ASTN2: variants seen among roughly 807,000 people sequenced by gnomAD.
The protein encoded by ASTN2 is astrotactin-2.
ASTN2 carries 54 observed loss-of-function variants against 139.8 expected under a neutral mutation model. The ratio of observed to expected loss-of-function variants is 0.39; its 90% CI spans 0.31 to 0.48. The LOEUF (loss-of-function observed/expected upper bound fraction) is 0.48. ASTN2 is among the 20% of genes least tolerant of loss of function. The pLI is 0.95. For synonymous variants in ASTN2, 756 were observed against 719.5 expected, an observed-to-expected ratio of 1.05 and a Z score of -0.81; for missense variants, 1,565 against 1,725.1, an observed-to-expected ratio of 0.91 and a Z score of 1.64.
intron 2 of ASTN2, among the ~76,000 whole-genome samples, chr9:117,235,840 C>T (rs1201436648): frequency 2.0e-5 from 3 of 152,148 alleles, no homozygotes; most frequent in Non-Finnish European, 4.4e-5. Context: ...GTGAGGCACT[C>T]ATATTCTTTG....
intron 5 of ASTN2, among the ~76,000 whole-genome samples, chr9:117,041,396 C>T (rs1474626426): frequency 6.6e-6 from 1 of 152,106 alleles, no homozygotes; most frequent in African/African-American, 2.4e-5. Context: ...CTTAAAGCCT[C>T]CCCCTCCTGA....
intron 2 of ASTN2, among the ~76,000 whole-genome samples, chr9:117,259,993 A>G (rs1355547639): frequency 2.0e-5 from 3 of 152,202 alleles, no homozygotes; most frequent in South Asian, 2.1e-4. Context: ...TAAAAATCTC[A>G]TATCCTTTTT....
chr9:116,836,410 G>C (rs1220476532), intron 11 of ASTN2, among the ~76,000 whole-genome samples: 1 of 152,124 alleles, frequency 6.6e-6, no homozygotes, highest in Non-Finnish European at 1.5e-5. Context: ...TTAAAGTCCT[G>C]GCTCCCCACG....
At chr9:116,863,463 G>T in intron 11 of ASTN2, 120 bp downstream of exon 11, 1 of 1,294,690 alleles carries the variant, frequency 7.7e-7, no homozygotes, top group Non-Finnish European at 1.0e-6. Flanking sequence ...GGCCGCAGAG[G>T]CAGATAAGGG....
At chr9:117,053,022 G>C (rs1219419042) in intron 5 of ASTN2, among the ~76,000 whole-genome samples, 1 of 152,284 alleles carries the variant, frequency 6.6e-6, no homozygotes, top group South Asian at 2.1e-4. Context: ...TCTTGATAGG[G>C]TTGTCTTCAA....
intron 20 of ASTN2, among the ~76,000 whole-genome samples, chr9:116,477,956 A>C (rs2119042303): frequency 6.6e-6 from 1 of 151,326 alleles, no homozygotes; most frequent in East Asian, 1.9e-4. Flanking sequence ...ATGACCAAGA[A>C]AGAGAGAACA....
intron 6 of ASTN2, among the ~76,000 whole-genome samples, chr9:117,013,438 C>T (rs1159739714): frequency 6.7e-6 from 1 of 150,206 alleles, no homozygotes; most frequent in Non-Finnish European, 1.5e-5. Context: ...AAAATCTCAA[C>T]TTCAAAATGT....
At chr9:116,806,917 A>G (rs1049983263) in intron 12 of ASTN2, among the ~76,000 whole-genome samples, 32 of 152,224 alleles carry the variant, frequency 2.1e-4, no homozygotes, top group Non-Finnish European at 4.3e-4. Flanking sequence ...CTAACCATGA[A>G]GAAAGAAAGA....
chr9:117,200,500 G>C (rs370518165), intron 3 of ASTN2, among the ~76,000 whole-genome samples: 26 of 152,174 alleles, frequency 1.7e-4, no homozygotes, highest in African/African-American at 6.3e-4. Context: ...CTGTGGGTTT[G>C]TCATAAATAC....
chr9:116,603,751 A>T (rs1855035685), intron 19 of ASTN2, among the ~76,000 whole-genome samples: 1 of 152,190 alleles, frequency 6.6e-6, no homozygotes, highest in Admixed American at 6.5e-5. Flanking sequence ...CCTGGCCTGG[A>T]AGGAGATTCT....
intron 18 of ASTN2, among the ~76,000 whole-genome samples, chr9:116,619,756 C>A (rs1856037898): frequency 7.1e-6 from 1 of 140,836 alleles, no homozygotes; most frequent in African/African-American, 2.7e-5. Flanking sequence ...GGTCTCAATT[C>A]CTGGCCTCAA....
chr9:117,369,238 C>A, intron 1 of ASTN2, among the ~76,000 whole-genome samples: 1 of 152,034 alleles, frequency 6.6e-6, no homozygotes, highest in Non-Finnish European at 1.5e-5. Context: ...GGGAAATAAG[C>A]CTCCATGTAA....
chr9:116,955,329 A>G (rs907963939), intron 10 of ASTN2, among the ~76,000 whole-genome samples: 1 of 152,242 alleles, frequency 6.6e-6, no homozygotes, highest in Non-Finnish European at 1.5e-5. Flanking sequence ...GATGAAGAGA[A>G]GTCCTCTAAA....
intron 13 of ASTN2, among the ~76,000 whole-genome samples, chr9:116,789,888 A>C (rs573284459): frequency 6.7e-6 from 1 of 149,466 alleles, no homozygotes; most frequent in African/African-American, 2.5e-5. Flanking sequence ...CCACATCTTT[A>C]CAAGGCATCT....
At chr9:117,067,513 C>A (rs1182398223) in intron 5 of ASTN2, among the ~76,000 whole-genome samples, 5 of 132,978 alleles carry the variant, frequency 3.8e-5, no homozygotes, top group Middle Eastern at 4.0e-3. Flanking sequence ...TCCATATGAA[C>A]TTTAAAGTAG....
At chr9:117,143,622 T>A (rs1830125253) in intron 3 of ASTN2, among the ~76,000 whole-genome samples, 1 of 152,206 alleles carries the variant, frequency 6.6e-6, no homozygotes, top group Non-Finnish European at 1.5e-5. Flanking sequence ...TGGGCTACCA[T>A]AACAAAATAT....
At chr9:116,488,024 C>A (rs1168681004) in intron 19 of ASTN2, among the ~76,000 whole-genome samples, 1 of 152,034 alleles carries the variant, frequency 6.6e-6, no homozygotes, top group African/African-American at 2.4e-5. Flanking sequence ...CAGAGACCAG[C>A]TAAGGAGTAA....
chr9:117,213,982 A>G (rs1832225751), intron 3 of ASTN2, among the ~76,000 whole-genome samples: 1 of 152,200 alleles, frequency 6.6e-6, no homozygotes, highest in Non-Finnish European at 1.5e-5. Flanking sequence ...GACCGTGAAC[A>G]CAGATTTCAA....
chr9:117,298,193 A>T (rs1834782650), intron 1 of ASTN2, among the ~76,000 whole-genome samples: 1 of 152,202 alleles, frequency 6.6e-6, no homozygotes, highest in Non-Finnish European at 1.5e-5. Flanking sequence ...CTGGCCTGTT[A>T]TGTGCATTTC....
Sources: gnomAD v4.1 joint callset for allele counts (sites outside exome capture counted in the v4.1 genomes callset) on GRCh38, gnomAD v4.1.1 for gene constraint, MANE v1.5 for transcripts, NCBI Gene and HGNC (gene_info 2026-07-23, HGNC 2026-07-21) for gene names.